The following SHANK2 variants were observed in gnomAD, a reference collection of about 807,000 sequenced individuals.
SHANK2 encodes SH3 and multiple ankyrin repeat domains 2.
A neutral mutation model predicts 133.7 loss-of-function variants in SHANK2; 43 were observed. The observed-to-expected ratio is 0.32, with a 90% confidence interval of 0.25 to 0.41. The LOEUF (loss-of-function observed/expected upper bound fraction) is 0.41. SHANK2 is among the 10% of genes least tolerant of loss of function. SHANK2 has a pLI of 1.00. For synonymous variants in SHANK2, 1,017 were observed against 952.8 expected (o/e 1.07, Z -1.24); for missense variants, 1,994 against 2,235.8 (o/e 0.89, Z 2.18).
At chr11:71,180,970 C>T (rs532457481) in intron 2 of SHANK2, among the ~76,000 whole-genome samples, 3 of 152,032 alleles carry the variant, frequency 2.0e-5, no homozygotes, top group Admixed American at 6.5e-5. Flanking sequence ...GCAAATCAGC[C>T]TTACCTCTGC....
chr11:71,119,136 C>T (rs1211861783), intron 3 of SHANK2, 104 bp from the exon 4 acceptor site: 9 of 929,310 alleles, frequency 9.7e-6, no homozygotes, highest in East Asian at 5.3e-5. Flanking sequence ...CACCCCTTCC[C>T]GACACTTCCT....
chr11:70,744,445 A>T (rs972897222), intron 14 of SHANK2, among the ~76,000 whole-genome samples: 8 of 152,246 alleles, frequency 5.3e-5, no homozygotes, highest in African/African-American at 1.7e-4. Flanking sequence ...CTGGCAGGCT[A>T]TGCCCCCGGC....
Position 71,057,972 on chromosome 11 carries a change from G to A in SHANK2, c.1030-1414C>T, listed in dbSNP as rs911460191. Among the ~76,000 whole-genome samples, 123 of 143,310 alleles carry A rather than the reference G, an allele frequency of 8.6e-4. No individual in the cohort carries two copies. The Middle Eastern group carries it at 0.011, about 12-fold the overall frequency. The allele number at this position is 143,310 out of a possible 152,430, so 94.0% of individuals were successfully genotyped here. On this transcript the variant is annotated intron_variant, in intron 9 of 25. Transcript: ENST00000601538. ...TCTGTCACCCAGGCTAGAGTGCAGC[G>A]GTGCGATCACAGCTCACAGCAGCCT...
At chr11:70,675,718 T>C (rs1591736756) in intron 15 of SHANK2, among the ~76,000 whole-genome samples, 2 of 152,144 alleles carry the variant, frequency 1.3e-5, no homozygotes, top group South Asian at 4.1e-4. Flanking sequence ...TCTGAGAAGA[T>C]TTTGCCAGGA....
intron 14 of SHANK2, among the ~76,000 whole-genome samples, chr11:70,761,709 G>T (rs1947000933): frequency 6.6e-6 from 1 of 152,236 alleles, no homozygotes; most frequent in Non-Finnish European, 1.5e-5. Flanking sequence ...GGGCCTGGGA[G>T]CCTGCATTCC....
intron 11 of SHANK2, among the ~76,000 whole-genome samples, chr11:70,885,739 C>T (rs1449336052): frequency 2.6e-5 from 4 of 152,166 alleles, no homozygotes; most frequent in Admixed American, 6.5e-5. Context: ...ACACAGCATT[C>T]GGGGCAGGCC....
At chr11:70,885,768 T>G (rs1364367911) in intron 11 of SHANK2, among the ~76,000 whole-genome samples, 2 of 152,072 alleles carry the variant, frequency 1.3e-5, no homozygotes, top group Non-Finnish European at 2.9e-5. Context: ...CGGCTGATCC[T>G]CCAGCGGACA....
chr11:70,921,906 C>T (rs1950356837), intron 10 of SHANK2, among the ~76,000 whole-genome samples: 1 of 152,196 alleles, frequency 6.6e-6, no homozygotes, highest in African/African-American at 2.4e-5. Flanking sequence ...GTCATTCCCA[C>T]AGACAGTACC....
intron 1 of SHANK2, among the ~76,000 whole-genome samples, chr11:71,247,418 C>A (rs1304780448): frequency 6.6e-6 from 1 of 151,482 alleles, no homozygotes; most frequent in Non-Finnish European, 1.5e-5. Context: ...TTCAGCTTTG[C>A]TGGATATTTG....
At chr11:70,733,649 A>T (rs781846665) in intron 14 of SHANK2, among the ~76,000 whole-genome samples, 4 of 152,098 alleles carry the variant, frequency 2.6e-5, no homozygotes, top group Non-Finnish European at 5.9e-5. Context: ...TAAAATATTT[A>T]CTCTCTGGCC....
intron 2 of SHANK2, among the ~76,000 whole-genome samples, chr11:71,223,334 G>A (rs1423235925): frequency 6.6e-6 from 1 of 152,216 alleles, no homozygotes; most frequent in Non-Finnish European, 1.5e-5. Context: ...TAAACGATCA[G>A]CACAGCAACA....
chr11:70,532,201 A>G (rs11236566), intron 17 of SHANK2, among the ~76,000 whole-genome samples: 91,841 of 152,068 alleles, frequency 0.6, 29,729 homozygotes, highest in East Asian at 0.79. Context: ...TCTCAGGAAC[A>G]TGTCAGTTCC....
chr11:70,541,049 G>C (rs1591554882), intron 17 of SHANK2, among the ~76,000 whole-genome samples: 1 of 152,200 alleles, frequency 6.6e-6, no homozygotes, highest in South Asian at 2.1e-4. Context: ...CGCTACTCTA[G>C]AAGCTTCGTA....
At chr11:70,938,219 C>A (rs1274770818) in intron 10 of SHANK2, among the ~76,000 whole-genome samples, 6 of 152,110 alleles carry the variant, frequency 3.9e-5, no homozygotes, top group Admixed American at 1.3e-4. Flanking sequence ...CAGGTGGGAC[C>A]AGCATCACTG....
chr11:70,803,193 G>A (rs1948086737), intron 13 of SHANK2, among the ~76,000 whole-genome samples: 2 of 151,032 alleles, frequency 1.3e-5, no homozygotes, highest in African/African-American at 4.9e-5. Context: ...AGAAAACTCT[G>A]TCATTCTTTC....
rs1555155416 is a variant in SHANK2 at position 70,490,275 on chromosome 11, C to A, written c.2551+1G>T. On this transcript the variant is annotated splice_donor_variant, in intron 23 of 25. Transcript: ENST00000601538. LOFTEE classifies it high-confidence loss of function. ...CTGTGGGGGAGTGCCACACTTCTTA[C>A]CTATTGATTTCTGCCTTCGCATCGT... The A allele has an allele frequency of 3.1e-6, 5 of 1,613,044 alleles. No individual in the cohort carries two copies. Among genetic ancestry groups the A allele is most frequent in the Non-Finnish European group, 4.2e-6 (5 of 1,178,968 alleles).
In SHANK2 at chr11:70,535,898, C is replaced by G. The variant is rs180803452; in HGVS notation, c.2062-32967G>C. On this transcript the variant is annotated intron_variant, in intron 17 of 25. Transcript: ENST00000601538. This position sits in a 1 kb window ranked among gnomAD's most constrained non-coding sequence, Gnocchi z 4.3. Reference sequence around the variant, plus strand: ...AGCTGTGGGGGAAGCAGTGACTGGCCGGAGACCCCAGGAAAGGCACATAGC... The same window carrying G: ...AGCTGTGGGGGAAGCAGTGACTGGCGGGAGACCCCAGGAAAGGCACATAGC... 6.6e-6 allele frequency among the ~76,000 whole-genome samples: 1 copy of G among 152,336 alleles called. No individual in the cohort carries two copies. Among genetic ancestry groups the G allele is most frequent in the East Asian group, 1.9e-4 (1 of 5,186 alleles).
At chr11:71,205,682 AG>A (rs1479777149) in intron 2 of SHANK2, among the ~76,000 whole-genome samples, 6 of 152,202 alleles carry the variant, frequency 3.9e-5, no homozygotes, top group African/African-American at 1.4e-4. Context: ...AGAGAGGGGT[AG>A]GTCTGCTAAT....
chr11:70,834,293 C>G (rs1036174184), intron 11 of SHANK2, among the ~76,000 whole-genome samples: 1 of 152,144 alleles, frequency 6.6e-6, no homozygotes, highest in Non-Finnish European at 1.5e-5. Flanking sequence ...GCACCTGAGC[C>G]TATTTCCACC....
Sources: gnomAD v4.1 joint callset for allele counts (sites outside exome capture counted in the v4.1 genomes callset) on GRCh38, gnomAD v4.1.1 for gene constraint, Gnocchi (gnomAD v3.1) non-coding constraint, MANE v1.5 for transcripts, NCBI Gene and HGNC (gene_info 2026-07-23, HGNC 2026-07-21) for gene names.